LRP2: variants seen among roughly 807,000 people sequenced by gnomAD.
The protein encoded by LRP2 is LDL receptor related protein 2.
LRP2 carries 172 observed loss-of-function variants against 531.0 expected under a neutral mutation model. The observed-to-expected ratio is 0.32, with a 90% confidence interval of 0.29 to 0.37. The LOEUF is 0.37. Ranked by LOEUF, LRP2 falls within the 10% of genes least tolerant of loss-of-function variation. The pLI is 1.00. For synonymous variants in LRP2, 1,992 were observed against 2,027.6 expected (o/e 0.98, Z 0.47); for missense variants, 5,167 against 5,868.3 (o/e 0.88, Z 3.90).
In LRP2 at chr2:169,142,798, A is replaced by G; in HGVS notation, c.12989-5T>C. 1 of 1,613,856 alleles carries G rather than the reference A, an allele frequency of 6.2e-7. No homozygotes were observed. On this transcript the variant is annotated splice_polypyrimidine_tract_variant and splice_region_variant and intron_variant, in intron 70 of 78. Transcript: ENST00000649046. ...TCTGTTTGCAAAGGTTGGGCACTGG[A>G]AAGCGGGTGAGAACAGCAGTTAGGT...
At chr2:169,211,766 G>A (rs1398257647) in intron 37 of LRP2, among the ~76,000 whole-genome samples, 1 of 152,338 alleles carries the variant, frequency 6.6e-6, no homozygotes, top group East Asian at 1.9e-4. Context: ...GAGGTCTGGA[G>A]CTGTGTTGGC....
In LRP2 at chr2:169,182,173, T is replaced by C. The variant is rs778421549; in HGVS notation, c.9992A>G (p.Gln3331Arg). ...GATTGCAGGGAGACAATACCCATAT[T>C]GAGGGTGAAGGGCAAGTCCTCTGGG... ...DNPRGLALHP[Q>R]YGYLYWADWG... The change falls in exon 51 of 79, where the codon CAA (glutamine) becomes CGA (arginine). Residue 3331 changes from glutamine (Q) to arginine (R), a missense_variant. By Grantham distance (43) the Gln-to-Arg change is conservative. Transcript: ENST00000649046. 8 of 1,613,978 alleles carry C rather than the reference T, an allele frequency of 5.0e-6. No individual in the cohort carries two copies. The highest frequency in any genetic ancestry group is 2.2e-5 in the South Asian group (2 of 91,082).
intron 35 of LRP2, 109 bp from the exon 36 acceptor site, chr2:169,213,979 A>G (rs1688687453): frequency 1.3e-6 from 1 of 766,174 alleles, no homozygotes; most frequent in Admixed American, 2.1e-5. Context: ...ACAGCCCTCT[A>G]TCCCTTACAG....
chr2:169,305,524 A>G (rs974807586), intron 4 of LRP2, among the ~76,000 whole-genome samples: 3 of 152,360 alleles, frequency 2.0e-5, no homozygotes, highest in Admixed American at 1.3e-4. Flanking sequence ...AATCAAAATT[A>G]TAAAACAATA....
At chr2:169,175,732 A>G (rs1228240851) in intron 54 of LRP2, among the ~76,000 whole-genome samples, 1 of 152,218 alleles carries the variant, frequency 6.6e-6, no homozygotes, top group East Asian at 1.9e-4. Context: ...CCAGGGTGAT[A>G]TAAAAGTATT....
rs2105467377 is a variant in LRP2, at chr2:169,290,975, A to G, written c.792T>C (p.His264=). 6.2e-7 allele frequency: 1 copy of G among 1,614,144 alleles called. No homozygotes were observed. Among genetic ancestry groups the G allele is most frequent in the Non-Finnish European group, 8.5e-7 (1 of 1,180,014 alleles). ...AAGACCATTCTCTTGGGGAACATTT[A>G]TGAACATCATGAGGACCGCTTTCTG... ...DGCESGPHDV[H]KCSPREWSCP... Residue 264 remains histidine, a synonymous_variant, in exon 8 of 79, where the codon CAT becomes CAC. Coordinates refer to ENST00000649046, the MANE Select transcript of LRP2 (RefSeq NM_004525.3).
chr2:169,147,039 C>T (rs938204898), intron 68 of LRP2, 80 bp from the exon 69 acceptor site: 51 of 1,082,612 alleles, frequency 4.7e-5, no homozygotes, highest in Non-Finnish European at 6.1e-5. Context: ...GCATTACCTA[C>T]AGGGAAACCA....
At chr2:169,131,209 A>C (rs1250536919) in intron 77 of LRP2, among the ~76,000 whole-genome samples, 1 of 151,794 alleles carries the variant, frequency 6.6e-6, no homozygotes, top group Non-Finnish European at 1.5e-5. Context: ...TCTGAAACTG[A>C]AAATTCCTTT....
intron 22 of LRP2, among the ~76,000 whole-genome samples, chr2:169,243,770 C>A (rs901850094): frequency 6.6e-6 from 1 of 152,146 alleles, no homozygotes; most frequent in Non-Finnish European, 1.5e-5. Context: ...GGAAAATAGA[C>A]CACATTCAGA....
At chr2:169,200,176 G>A (rs1010504875) in intron 44 of LRP2, among the ~76,000 whole-genome samples, 21 of 152,246 alleles carry the variant, frequency 1.4e-4, no homozygotes, top group South Asian at 6.2e-4. Context: ...GCGTGAACCC[G>A]GGAGGCAGAG....
In LRP2 at chr2:169,188,080, G is replaced by A; in HGVS notation, c.9218C>T (p.Pro3073Leu). 1 of 1,614,070 alleles carries A rather than the reference G, an allele frequency of 6.2e-7. No individual in the cohort carries two copies. Among genetic ancestry groups the A allele is most frequent in the Non-Finnish European group, 8.5e-7 (1 of 1,180,012 alleles). The change falls in exon 49 of 79, where the codon CCC becomes CTC. Residue 3073 changes from proline to leucine, a missense_variant. By Grantham distance (98) the Pro-to-Leu change is moderately conservative. Transcript: ENST00000649046. ...ELMHLCHTPE[P>L]TCPPHEFKCD... ...CTTGAACTCGTGAGGTGGACACGTG[G>A]GTTCTGGGGTGTGGCACAGGTGCAT... is the stretch of plus-strand genomic sequence containing the variant.
intron 4 of LRP2, among the ~76,000 whole-genome samples, chr2:169,297,879 T>C (rs2105477030): frequency 6.6e-6 from 1 of 152,168 alleles, no homozygotes; most frequent in South Asian, 2.1e-4. Context: ...ATTCTCACAA[T>C]TTGACAACAT....
Position 169,139,166 on chromosome 2 carries a change from C to T in LRP2, c.13388+85G>A, listed in dbSNP as rs1008167772. On this transcript the variant is annotated intron_variant, in intron 74 of 78. Transcript: ENST00000649046. The stretch of plus-strand genomic sequence containing the variant: ...TGAACTGCGTATTGTGCTTTTTTAA[C>T]TTAGAAAGAAAACTAAGTCCTTCAC... 4 of 1,600,978 alleles carry T rather than the reference C, an allele frequency of 2.5e-6. No individual in the cohort carries two copies. The Middle Eastern group carries it at 6.6e-4, about 265-fold the overall frequency.
At position 169,137,511 on chromosome 2, in the gene LRP2, AAGAGAGAGAGAG is replaced by A. The variant is rs138614485; in HGVS notation, c.13519-30_13519-19del. The A allele has an allele frequency of 1.0e-4, 131 of 1,276,054 alleles. 1 individual carries two copies. In the Middle Eastern group the frequency reaches 6.5e-3, roughly 63 times the overall value. The allele number at this position is 1,276,054 out of a possible 1,614,324, so 79.0% of individuals were successfully genotyped here. ...TCTTCACTCTGATGGCAGAGACAGA[AAGAGAGAGAGAG>A]AGAGAGAGAGAAACAGAGAGAGAGA... On this transcript the variant is annotated intron_variant, in intron 75 of 78. Transcript: ENST00000649046.
rs921515971 is a variant in LRP2 at position 169,268,376 on chromosome 2, G to A, written c.2320+2528C>T. Among the ~76,000 whole-genome samples, 6 of 152,196 alleles carry A rather than the reference G, an allele frequency of 3.9e-5. No homozygotes were observed. In the South Asian group the frequency reaches 8.3e-4, roughly 21 times the overall value. ...ATCCTCAATAAAATACTGGCAAACC[G>A]AATCCAGGATCACATCAAAAAGCTT... On this transcript the variant is annotated intron_variant, in intron 16 of 78. Transcript: ENST00000649046.
At position 169,137,390 on chromosome 2, in the gene LRP2, A is replaced by G. The variant is rs1221413854; in HGVS notation, c.13620+2T>C. 3 of 1,602,748 alleles carry G rather than the reference A, an allele frequency of 1.9e-6. No individual in the cohort carries two copies. Among genetic ancestry groups the G allele is most frequent in the Admixed American group, 1.7e-5 (1 of 59,990 alleles). ...GAAAGAAAAGACTGTATGGTTTCTC[A>G]CCTGGATTGGCTGAACCACTTTGAC... is the stretch of plus-strand genomic sequence containing the variant. On this transcript the variant is annotated splice_donor_variant, in intron 76 of 78. Coordinates refer to ENST00000649046, the MANE Select transcript of LRP2 (RefSeq NM_004525.3). LOFTEE classifies it high-confidence loss of function.
intron 1 of LRP2, among the ~76,000 whole-genome samples, chr2:169,329,956 C>A (rs536948663): frequency 6.6e-6 from 1 of 152,210 alleles, no homozygotes; most frequent in African/African-American, 2.4e-5. Flanking sequence ...TGAGTGGCTG[C>A]ATTAGATTCC....
At position 169,270,870 on chromosome 2, in the gene LRP2, T is replaced by TAC. The variant is rs145964808; in HGVS notation, c.2320+32_2320+33dup. The TAC allele has an allele frequency of 0.041, 56,441 of 1,367,660 alleles. 840 individuals carry two copies. The highest frequency in any genetic ancestry group is 0.22 in the Admixed American group (11,937 of 54,388). The allele number at this position is 1,367,660 out of a possible 1,614,324, so 84.7% of individuals were successfully genotyped here. A position where few individuals can be genotyped will look rare whatever the true frequency, so the allele number is the denominator to read the frequency against. The stretch of plus-strand genomic sequence containing the variant: ...TTACAATAAACAGGCAAAACACGCA[T>TAC]ACACACACACACACACACACAAACC... On this transcript the variant is annotated intron_variant, in intron 16 of 78. Transcript: ENST00000649046.
intron 4 of LRP2, among the ~76,000 whole-genome samples, chr2:169,302,525 C>T (rs2105484512): frequency 6.6e-6 from 1 of 152,250 alleles, no homozygotes; most frequent in Non-Finnish European, 1.5e-5. Flanking sequence ...CTACAGACAT[C>T]TAGTGGATAG....
Sources: gnomAD v4.1 joint callset for allele counts (sites outside exome capture counted in the v4.1 genomes callset) on GRCh38, gnomAD v4.1.1 for gene constraint, MANE v1.5 for transcripts, NCBI Gene and HGNC (gene_info 2026-07-23, HGNC 2026-07-21) for gene names.